The following TRIM14 variants were observed in gnomAD, a reference collection of about 807,000 sequenced individuals.
TRIM14 encodes the protein tripartite motif containing 14.
TRIM14 carries 28 observed loss-of-function variants against 44.5 expected under a neutral mutation model. The observed-to-expected ratio is 0.63, with a 90% CI of 0.47 to 0.86. TRIM14 has a LOEUF of 0.86. Ranked by LOEUF, TRIM14 falls within the 40% of genes least tolerant of loss-of-function variation. The probability of loss-of-function intolerance (pLI) is 0.00; values close to 1 mark genes in which losing one functional copy is unlikely to be tolerated. For missense variants in TRIM14, 607 were observed against 611.1 expected, an observed-to-expected ratio of 0.99 and a Z score of 0.07; for synonymous variants, 299 against 269.2, an observed-to-expected ratio of 1.11 and a Z score of -1.08.
the TRIM14 span, among the ~76,000 whole-genome samples, chr9:98,040,405 T>G: frequency 6.6e-6 from 1 of 152,020 alleles, no homozygotes; most frequent in African/African-American, 2.4e-5. Context: ...CTCGGGGCCT[T>G]TGATGTTGTG....
At chr9:98,067,744 C>T (rs928117588), downstream of TRIM14, among the ~76,000 whole-genome samples, 5 of 151,278 alleles carry the variant, frequency 3.3e-5, no homozygotes, top group African/African-American at 9.7e-5. Flanking sequence ...TTGTGAGATA[C>T]GGTCTTGCTC....
chr9:98,062,456 TA>T, the TRIM14 span, among the ~76,000 whole-genome samples: 1 of 152,036 alleles, frequency 6.6e-6, no homozygotes, highest in Non-Finnish European at 1.5e-5. Context: ...CTTTTGAATG[TA>T]AAAAAAATTT....
intron 1 of TRIM14, among the ~76,000 whole-genome samples, chr9:98,113,001 C>A (rs186983403): frequency 8.7e-5 from 13 of 149,490 alleles, no homozygotes; most frequent in African/African-American, 2.5e-4. Context: ...GTAGTCCTAG[C>A]TACTCGGGAG....
downstream of TRIM14, among the ~76,000 whole-genome samples, chr9:98,065,224 A>G (rs1165424288): frequency 1.3e-5 from 2 of 151,662 alleles, no homozygotes; most frequent in Non-Finnish European, 2.9e-5. Flanking sequence ...CTAAATAAAT[A>G]GGATTGTTTT....
chr9:98,093,790 G>T (rs1826082935), intron 4 of TRIM14, among the ~76,000 whole-genome samples: 1 of 152,036 alleles, frequency 6.6e-6, no homozygotes, highest in Admixed American at 6.6e-5. Context: ...CTGTCACCCA[G>T]GTTGAAGTAC....
the TRIM14 span, among the ~76,000 whole-genome samples, chr9:98,063,856 T>G: frequency 6.6e-6 from 1 of 152,184 alleles, no homozygotes; most frequent in Non-Finnish European, 1.5e-5. Context: ...TTTTTTGTGC[T>G]AATAAGTAGT....
exon 7 of TRIM14, chr9:98,069,363 GC>G (rs1280230987): frequency 6.7e-6 from 1 of 150,090 alleles, no homozygotes; most frequent in Non-Finnish European, 1.5e-5. Context: ...AACCTCCGCT[GC>G]CCGGGTTCAA....
At chr9:98,041,630 T>C in the TRIM14 span, among the ~76,000 whole-genome samples, 2 of 152,248 alleles carry the variant, frequency 1.3e-5, no homozygotes, top group Middle Eastern at 3.4e-3. Context: ...TAGCTGGGAT[T>C]GCAGGCATGT....
Position 98,087,591 on chromosome 9 carries a change from G to A in TRIM14, c.1208C>T (p.Ala403Val). Residue 403 changes from alanine to valine, a missense_variant, in exon 6 of 6, where the codon GCC becomes GTC. Physicochemically the swap from Ala to Val is moderately conservative, Grantham distance 64. This residue lies in a region of TRIM14 where 356 missense variants were observed against 323.0 expected (regional missense o/e 1.10). Coordinates refer to ENST00000341469, the MANE Select transcript of TRIM14 (RefSeq NM_014788.4). ...VFLDYEAGVL[A>V]FYDVTGGMSH... ...CATGCCGCCCGTCACGTCGTAGAAG[G>A]CGAGGACGCCGGCCTCGTAGTCCAG... The A allele has an allele frequency of 2.5e-6, 4 of 1,599,590 alleles. No individual in the cohort carries two copies. Among genetic ancestry groups the A allele is most frequent in the Non-Finnish European group, 3.4e-6 (4 of 1,176,088 alleles).
intron 2 of TRIM14, among the ~76,000 whole-genome samples, chr9:98,108,746 A>C (rs16912728): frequency 0.081 from 12,310 of 152,012 alleles, 1,585 homozygotes; most frequent in African/African-American, 0.28. Context: ...CATGAAGACA[A>C]CTGACAGAGA....
chr9:98,051,823 G>T, the TRIM14 span, among the ~76,000 whole-genome samples: 1 of 151,234 alleles, frequency 6.6e-6, no homozygotes, highest in African/African-American at 2.4e-5. Flanking sequence ...GGATTTCATT[G>T]CAAGGCAACC....
intron 1 of TRIM14, among the ~76,000 whole-genome samples, chr9:98,117,062 G>A (rs530038305): frequency 5.9e-5 from 9 of 152,204 alleles, no homozygotes; most frequent in Admixed American, 5.9e-4. Context: ...CCTGTTATTA[G>A]ATTCCAGCCC....
At position 98,100,245 on chromosome 9, in the gene TRIM14, C is replaced by T. The variant is rs540271766; in HGVS notation, c.304-81G>A. 108 of 1,326,778 alleles carry T rather than the reference C, an allele frequency of 8.1e-5. 1 individual carries two copies. In the East Asian group the frequency reaches 9.6e-4, roughly 12 times the overall value. The allele number at this position is 1,326,778 out of a possible 1,614,324, so 82.2% of individuals were successfully genotyped here. A position where few individuals can be genotyped will look rare whatever the true frequency, so the allele number is the denominator to read the frequency against. ...ATAATCAACATGAAAAAAATCATAA[C>T]GTCTGAAATGTGAGTTCAGTAAAGT... On this transcript the variant is annotated intron_variant, in intron 2 of 5. Coordinates refer to ENST00000341469, the MANE Select transcript of TRIM14 (RefSeq NM_014788.4).
the TRIM14 span, among the ~76,000 whole-genome samples, chr9:98,046,510 C>T: frequency 5.3e-5 from 8 of 151,684 alleles, no homozygotes; most frequent in African/African-American, 9.7e-5. Flanking sequence ...GGCGTGATCT[C>T]GGCTCACAGC....
chr9:98,065,483 A>ATTT (rs397837187), downstream of TRIM14, among the ~76,000 whole-genome samples: 66 of 58,626 alleles, frequency 1.1e-3, 2 homozygotes, highest in African/African-American at 1.6e-3. Flanking sequence ...TGCCCAGCTA[A>ATTT]TTTTTTTTTT....
At chr9:98,078,663 C>T (rs1175284456) in intron 6 of TRIM14, among the ~76,000 whole-genome samples, 1 of 151,696 alleles carries the variant, frequency 6.6e-6, no homozygotes, top group African/African-American at 2.4e-5. Context: ...TGGTGAAACC[C>T]CTTCTTATTA....
chr9:98,105,319 G>T (rs968424569), intron 2 of TRIM14, among the ~76,000 whole-genome samples: 4 of 152,236 alleles, frequency 2.6e-5, no homozygotes, highest in Admixed American at 2.6e-4. Context: ...TGCTCTGTAG[G>T]ACAGAGGGGC....
At chr9:98,101,465 G>C (rs533196111) in intron 2 of TRIM14, among the ~76,000 whole-genome samples, 1 of 148,090 alleles carries the variant, frequency 6.8e-6, no homozygotes, top group African/African-American at 2.5e-5. Context: ...TGCTCTTGTC[G>C]CCTAGGCTGG....
the TRIM14 span, among the ~76,000 whole-genome samples, chr9:98,044,652 A>G: frequency 2.6e-5 from 4 of 152,154 alleles, no homozygotes; most frequent in East Asian, 1.9e-4. Context: ...GATTACAGGC[A>G]TGAGCCACCG....
Sources: allele counts gnomAD v4.1 joint callset (sites outside exome capture counted in the v4.1 genomes callset), GRCh38; gene constraint gnomAD v4.1.1; regional missense constraint gnomAD v4.1.1; transcripts MANE v1.5; gene names NCBI Gene and HGNC (gene_info 2026-07-23, HGNC 2026-07-21).